The following PDS5B variants were observed in gnomAD, a reference collection of about 807,000 sequenced individuals.
PDS5B encodes the protein sister chromatid cohesion protein PDS5 homolog B.
A neutral mutation model predicts 184.1 loss-of-function variants in PDS5B; 51 were observed. The ratio of observed to expected loss-of-function variants is 0.28; its 90% CI spans 0.22 to 0.35. The LOEUF is 0.35. PDS5B is among the 10% of genes least tolerant of loss of function. The pLI is 1.00. For missense variants in PDS5B, 1,180 were observed against 1,723.3 expected, an observed-to-expected ratio of 0.68 and a Z score of 5.58; for synonymous variants, 566 against 569.2, an observed-to-expected ratio of 0.99 and a Z score of 0.08.
At position 32,776,001 on chromosome 13, in the gene PDS5B, A is replaced by C. The variant is rs1443740231; in HGVS notation, c.*949A>C. The stretch of plus-strand genomic sequence containing the variant: ...ATTACACTATAATATAAAACCTGAT[A>C]TATACACATTAGAAATATTCCAGTT... On this transcript the variant is annotated 3_prime_UTR_variant, in exon 35 of 35. Transcript: ENST00000315596. 5.8e-6 allele frequency: 1 copy of C among 171,986 alleles called. No homozygotes were observed. Among genetic ancestry groups the C allele is most frequent in the Non-Finnish European group, 1.2e-5 (1 of 80,312 alleles). 10.7% of individuals were successfully genotyped at this position (171,986 alleles called of 1,614,324 possible).
chr13:32,690,910 C>T (rs1157357825), intron 13 of PDS5B: 1 of 151,862 alleles, frequency 6.6e-6, no homozygotes, highest in Non-Finnish European at 1.5e-5. Context: ...TTCATTTTAA[C>T]CAGCTTTTTA....
At chr13:32,655,376 T>TATATATATATATATATA (rs1566290689) in intron 3 of PDS5B, among the ~76,000 whole-genome samples, 54 of 63,310 alleles carry the variant, frequency 8.5e-4, no homozygotes, top group Admixed American at 1.8e-3. Context: ...ATATATATAT[T>TATATATATATATATATA]TTTTTTTTTT....
chr13:32,652,257 C>T, intron 3 of PDS5B: 1 of 321,886 alleles, frequency 3.1e-6, no homozygotes, highest in Non-Finnish European at 5.6e-6. Context: ...AGCTCTGTTT[C>T]TTTCATTATA....
intron 14 of PDS5B, among the ~76,000 whole-genome samples, chr13:32,695,480 A>G (rs11147501): frequency 0.012 from 1,837 of 152,068 alleles, 39 homozygotes; most frequent in African/African-American, 0.041. Context: ...ATCTCTGGAT[A>G]AAGTGCCTCT....
At chr13:32,618,025 A>T (rs1283430973) in intron 1 of PDS5B, among the ~76,000 whole-genome samples, 1 of 152,170 alleles carries the variant, frequency 6.6e-6, no homozygotes, top group African/African-American at 2.4e-5. Flanking sequence ...GAGGTGAATG[A>T]TGCTGTGTTC....
intron 19 of PDS5B, among the ~76,000 whole-genome samples, chr13:32,728,233 T>C (rs1952977924): frequency 6.6e-6 from 1 of 152,188 alleles, no homozygotes; most frequent in Non-Finnish European, 1.5e-5. Context: ...CTATGTAGCA[T>C]AGTGTTTTTT....
At chr13:32,711,330 A>G (rs1393686847) in intron 19 of PDS5B, among the ~76,000 whole-genome samples, 2 of 151,632 alleles carry the variant, frequency 1.3e-5, no homozygotes, top group African/African-American at 2.4e-5. Flanking sequence ...CTAAAATTTT[A>G]TAACAGTCTC....
At chr13:32,647,935 G>A (rs573193508) in intron 1 of PDS5B, among the ~76,000 whole-genome samples, 3 of 152,262 alleles carry the variant, frequency 2.0e-5, no homozygotes, top group Admixed American at 2.0e-4. Flanking sequence ...CTCTAGGCAG[G>A]ACTTGGATTT....
chr13:32,775,759 G>T lies in PDS5B; in HGVS notation c.*707G>T. 1 of 392,526 alleles carries T rather than the reference G, an allele frequency of 2.5e-6. No individual in the cohort carries two copies. Among genetic ancestry groups the T allele is most frequent in the Non-Finnish European group, 5.0e-6 (1 of 198,048 alleles). The allele number at this position is 392,526 out of a possible 1,614,324, so 24.3% of individuals were successfully genotyped here. A position where few individuals can be genotyped will look rare whatever the true frequency, so the allele number is the denominator to read the frequency against. On this transcript the variant is annotated 3_prime_UTR_variant, in exon 35 of 35. Transcript: ENST00000315596. ...TCCCAGAATTTTCTGGCCTTTCATG[G>T]CAATGAAAATTTTAAGAAGAAAGAT...
rs57775004 is a variant in PDS5B, at chr13:32,587,454, G to A, written c.-20+861G>A. 9.7e-3 allele frequency among the ~76,000 whole-genome samples: 1,483 copies of A among 152,322 alleles called. 34 individuals carry two copies. Among genetic ancestry groups the A allele is most frequent in the African/African-American group, 0.034 (1,426 of 41,576 alleles). ...ATTGTTTTTACACTGTTATTTTAAT[G>A]TTACTTTAAAAGTTTTCGGTCCGGA... On this transcript the variant is annotated intron_variant, in intron 1 of 34. Coordinates refer to ENST00000315596, the MANE Select transcript of PDS5B (RefSeq NM_015032.4).
At chr13:32,680,406 C>T (rs1951206789) in intron 10 of PDS5B, among the ~76,000 whole-genome samples, 1 of 152,180 alleles carries the variant, frequency 6.6e-6, no homozygotes, top group Admixed American at 6.5e-5. Flanking sequence ...TTAGATACTT[C>T]CTCTTCATCC....
chr13:32,636,372 A>T (rs2058559537), intron 1 of PDS5B, among the ~76,000 whole-genome samples: 1 of 152,246 alleles, frequency 6.6e-6, no homozygotes, highest in Non-Finnish European at 1.5e-5. Flanking sequence ...AGTAGGCAGA[A>T]TTAGCACTAT....
chr13:32,692,414 CCTTTTTTTTTTTTTT>C (rs1237888755), intron 13 of PDS5B, among the ~76,000 whole-genome samples: 10 of 69,152 alleles, frequency 1.4e-4, no homozygotes, highest in Admixed American at 2.0e-4. Context: ...GTCCAAAAAG[CCTTTTTTTTTTTTTT>C]TTTTTTTTTT....
chr13:32,737,393 C>T (rs1953375736), intron 21 of PDS5B, among the ~76,000 whole-genome samples: 1 of 152,114 alleles, frequency 6.6e-6, no homozygotes, highest in South Asian at 2.1e-4. Flanking sequence ...TTAATGGGCT[C>T]AGGATTCTTA....
At chr13:32,753,686 A>T in intron 25 of PDS5B, 150 bp downstream of exon 25, 1 of 575,566 alleles carries the variant, frequency 1.7e-6, no homozygotes, top group Non-Finnish European at 3.0e-6. Context: ...TTCATTTAAT[A>T]TGAAGGTCAT....
intron 1 of PDS5B, among the ~76,000 whole-genome samples, chr13:32,629,453 G>C (rs2058422225): frequency 1.3e-5 from 2 of 151,958 alleles, no homozygotes; most frequent in Admixed American, 1.3e-4. Flanking sequence ...ACTTTGAATT[G>C]TACTTTGGCT....
chr13:32,769,091 C>T (rs1415905446), intron 31 of PDS5B, among the ~76,000 whole-genome samples: 1 of 151,812 alleles, frequency 6.6e-6, no homozygotes, highest in Non-Finnish European at 1.5e-5. Context: ...CCACTGCACT[C>T]CAGCCTGGGT....
At chr13:32,629,259 AT>A (rs1056685741) in intron 1 of PDS5B, among the ~76,000 whole-genome samples, 302 of 145,820 alleles carry the variant, frequency 2.1e-3, no homozygotes, top group African/African-American at 5.6e-3. Context: ...GAGTTGTTCG[AT>A]TTTTTTTTTT....
At chr13:32,728,582 T>A (rs1459056120) in intron 19 of PDS5B, among the ~76,000 whole-genome samples, 3 of 152,180 alleles carry the variant, frequency 2.0e-5, no homozygotes, top group Admixed American at 2.0e-4. Context: ...AAATCAGAGC[T>A]TCCTTGGCCT....
Sources: gnomAD v4.1 joint callset for allele counts (sites outside exome capture counted in the v4.1 genomes callset) on GRCh38, gnomAD v4.1.1 for gene constraint, MANE v1.5 for transcripts, NCBI Gene and HGNC (gene_info 2026-07-23, HGNC 2026-07-21) for gene names.